XPNPEP3: variants seen among roughly 807,000 people sequenced by gnomAD.
XPNPEP3 encodes xaa-Pro aminopeptidase 3.
A neutral mutation model predicts 60.0 loss-of-function variants in XPNPEP3; 41 were observed. The ratio of observed to expected loss-of-function variants is 0.68; its 90% CI spans 0.53 to 0.89. The LOEUF (loss-of-function observed/expected upper bound fraction) is 0.89, where lower values mean the gene tolerates loss of function less well. Among genes scored for constraint, XPNPEP3 ranks in the 40% least tolerant of loss-of-function variants. The pLI is 0.00. For missense variants in XPNPEP3, 598 were observed against 638.9 expected, an observed-to-expected ratio of 0.94 and a Z score of 0.69; for synonymous variants, 212 against 223.2, an observed-to-expected ratio of 0.95 and a Z score of 0.45.
At chr22:40,865,106 T>A (rs772221568) in intron 1 of XPNPEP3, among the ~76,000 whole-genome samples, 1 of 152,228 alleles carries the variant, frequency 6.6e-6, no homozygotes, top group South Asian at 2.1e-4. Context: ...CTGTGCCATT[T>A]TCTCTGCCTC....
chr22:40,908,981 G>T, intron 5 of XPNPEP3, 141 bp from the exon 6 acceptor site: 1 of 714,386 alleles, frequency 1.4e-6, no homozygotes, highest in South Asian at 1.5e-5. Flanking sequence ...CAGCATAAAA[G>T]GTTTGGTTAG....
chr22:40,913,698 C>T (rs115459127), intron 6 of XPNPEP3, among the ~76,000 whole-genome samples: 4,138 of 152,064 alleles, frequency 0.027, 187 homozygotes, highest in African/African-American at 0.093. Context: ...TGAAACACCA[C>T]GCATTGCCAA....
At chr22:40,918,783 G>GTT (rs35326908) in intron 7 of XPNPEP3, among the ~76,000 whole-genome samples, 194 of 146,716 alleles carry the variant, frequency 1.3e-3, no homozygotes, top group South Asian at 7.0e-3. Flanking sequence ...GTTTTGGTGG[G>GTT]TTTTTTTTTT....
intron 4 of XPNPEP3, among the ~76,000 whole-genome samples, chr22:40,902,071 C>CTTTTTTTTT (rs748080226): frequency 1.6e-5 from 2 of 127,612 alleles, no homozygotes; most frequent in Admixed American, 7.9e-5. Context: ...ACTTTTCCTT[C>CTTTTTTTTT]TTTTTTTTTT....
rs1669925716 is a variant in XPNPEP3, at chr22:40,926,684, G to T, written c.*249G>T. On this transcript the variant is annotated 3_prime_UTR_variant, in exon 10 of 10. Transcript: ENST00000357137. ...GTAACATTAATTCTATAGAATTAAT[G>T]ATCAGAGCAAGTTTAATTTTTAAAC... The T allele has an allele frequency of 3.8e-6, 2 of 530,800 alleles. No individual in the cohort carries two copies. Among genetic ancestry groups the T allele is most frequent in the Non-Finnish European group, 3.4e-6 (1 of 294,992 alleles). The allele number at this position is 530,800 out of a possible 1,614,324, so 32.9% of individuals were successfully genotyped here. A position where few individuals can be genotyped will look rare whatever the true frequency, so the allele number is the denominator to read the frequency against.
At chr22:40,870,158 C>G in intron 2 of XPNPEP3, 1 of 451,526 alleles carries the variant, frequency 2.2e-6, no homozygotes, top group Non-Finnish European at 4.6e-6. Flanking sequence ...AATAGCAACC[C>G]AGTTGGTATT....
intron 4 of XPNPEP3, among the ~76,000 whole-genome samples, chr22:40,897,029 C>CTTTTTTTT (rs762152639): frequency 1.3e-4 from 14 of 107,700 alleles, no homozygotes; most frequent in East Asian, 3.2e-4. Flanking sequence ...TTTCCTTCAT[C>CTTTTTTTT]TTTTTTTTTT....
rs2058242730 is a variant in XPNPEP3 at position 40,928,277 on chromosome 22, G to C, written c.*1842G>C. On this transcript the variant is annotated 3_prime_UTR_variant, in exon 10 of 10. Coordinates refer to ENST00000357137, the MANE Select transcript of XPNPEP3 (RefSeq NM_022098.4). ...GATGGAGTGCAGTGGCGTAATCTCA[G>C]CTCACTACAACCTCCACCACCTGGG... 6.8e-6 allele frequency: 1 copy of C among 146,802 alleles called. No individual in the cohort carries two copies. The highest frequency in any genetic ancestry group is 2.5e-5 in the African/African-American group (1 of 39,840). 9.1% of individuals were successfully genotyped at this position (146,802 alleles called of 1,614,324 possible).
At chr22:40,898,224 C>CTTTTTTTTTTT (rs1405343173) in intron 4 of XPNPEP3, among the ~76,000 whole-genome samples, 5 of 70,256 alleles carry the variant, frequency 7.1e-5, no homozygotes, top group African/African-American at 1.2e-4. Flanking sequence ...GTCTTTGACC[C>CTTTTTTTTTTT]ATTTTTTTTT....
chr22:40,893,485 A>G (rs2058096223), intron 4 of XPNPEP3, among the ~76,000 whole-genome samples: 1 of 145,042 alleles, frequency 6.9e-6, no homozygotes, highest in Non-Finnish European at 1.5e-5. Flanking sequence ...AGCCTGGGCA[A>G]TAAGAGTGAA....
chr22:40,869,404 C>G (rs1731315292), intron 2 of XPNPEP3, among the ~76,000 whole-genome samples: 1 of 152,048 alleles, frequency 6.6e-6, no homozygotes, highest in Non-Finnish European at 1.5e-5. Context: ...CCTTATAATT[C>G]AGAATAATTA....
intron 7 of XPNPEP3, among the ~76,000 whole-genome samples, chr22:40,919,450 T>C (rs576415625): frequency 1.3e-5 from 2 of 152,190 alleles, no homozygotes; most frequent in African/African-American, 4.8e-5. Context: ...AGCTACTTGG[T>C]TGGCTGAGGC....
At chr22:40,886,253 TGA>T in intron 3 of XPNPEP3, 58 bp from the exon 4 acceptor site, 5 of 1,544,128 alleles carry the variant, frequency 3.2e-6, no homozygotes, top group Non-Finnish European at 4.5e-6. Context: ...TTATGACAGT[TGA>T]TATTTCTTGT....
intron 2 of XPNPEP3, among the ~76,000 whole-genome samples, chr22:40,876,981 A>G (rs1386764588): frequency 6.6e-6 from 1 of 152,142 alleles, no homozygotes; most frequent in Non-Finnish European, 1.5e-5. Flanking sequence ...GATACAGAAC[A>G]TTTCCATCGT....
intron 8 of XPNPEP3, 78 bp from the exon 9 acceptor site, chr22:40,924,284 C>T: frequency 6.3e-7 from 1 of 1,588,380 alleles, no homozygotes; most frequent in Non-Finnish European, 8.6e-7. Flanking sequence ...TAACACATAT[C>T]TCACTGATTT....
At chr22:40,861,659 A>G (rs756794633) in intron 1 of XPNPEP3, 2 of 1,614,126 alleles carry the variant, frequency 1.2e-6, no homozygotes, top group Non-Finnish European at 1.7e-6. Context: ...GCGAGTCTTC[A>G]AAGAAGTGAA....
At chr22:40,885,046 A>G (rs1353783961) in intron 3 of XPNPEP3, among the ~76,000 whole-genome samples, 1 of 152,072 alleles carries the variant, frequency 6.6e-6, no homozygotes, top group South Asian at 2.1e-4. Context: ...AAAAAATTAC[A>G]CGACAATTAA....
intron 2 of XPNPEP3, among the ~76,000 whole-genome samples, chr22:40,873,595 A>T (rs997895405): frequency 6.6e-6 from 1 of 151,912 alleles, no homozygotes; most frequent in Admixed American, 6.6e-5. Flanking sequence ...TGGGCAACGT[A>T]GTGAGACCTT....
chr22:40,906,967 C>G (rs761619967), intron 4 of XPNPEP3, among the ~76,000 whole-genome samples: 3 of 152,146 alleles, frequency 2.0e-5, no homozygotes, highest in Non-Finnish European at 4.4e-5. Context: ...CCACCAAGCC[C>G]CATTATGGTC....
Sources: allele counts gnomAD v4.1 joint callset (sites outside exome capture counted in the v4.1 genomes callset), GRCh38; gene constraint gnomAD v4.1.1; transcripts MANE v1.5; gene names NCBI Gene and HGNC (gene_info 2026-07-23, HGNC 2026-07-21).